Variants in PCBP3 observed in about 807,000 individuals in gnomAD.
PCBP3 encodes the protein poly(rC) binding protein 3, also known as poly(rC)-binding protein 3.
Under a neutral mutation model 52.7 loss-of-function variants are expected in PCBP3, and 25 were observed. The observed-to-expected ratio is 0.47, with a 90% CI of 0.35 to 0.66. The LOEUF (loss-of-function observed/expected upper bound fraction) is 0.66. Ranked by LOEUF, PCBP3 falls within the 30% of genes least tolerant of loss-of-function variation. PCBP3 has a pLI of 0.01. For missense variants in PCBP3, 391 were observed against 490.3 expected, an observed-to-expected ratio of 0.80 and a Z score of 1.91; for synonymous variants, 162 against 183.0, an observed-to-expected ratio of 0.89 and a Z score of 0.93.
At position 45,938,398 on chromosome 21, in the gene PCBP3, G is replaced by A. The variant is rs558528110; in HGVS notation, c.910-1632G>A. ...TACAGGGACCTGTGGTCATGCTGCC[G>A]AGTCAGCTATGTTCCCCCTCCCCAT... On this transcript the variant is annotated intron_variant, in intron 16 of 17. Transcript: ENST00000681687. Among the ~76,000 whole-genome samples the A allele has an allele frequency of 1.2e-3, 189 of 152,318 alleles. 1 individual carries two copies. The highest frequency in any genetic ancestry group is 2.3e-3 in the Non-Finnish European group (157 of 68,012).
intron 4 of PCBP3, chr21:45,836,295 T>G (rs1206134937): frequency 6.6e-6 from 1 of 152,264 alleles, no homozygotes; most frequent in East Asian, 1.9e-4. Flanking sequence ...CCGTCCAGTC[T>G]CCAAGACCAG....
At chr21:45,814,871 CTGGTGAGTGAG>C (rs2092821970) in intron 4 of PCBP3, among the ~76,000 whole-genome samples, 2 of 23,210 alleles carry the variant, frequency 8.6e-5, no homozygotes, top group Non-Finnish European at 1.7e-4. Context: ...TGAGTGGTGA[CTGGTGAGTGAG>C]TGGTGAGTGA....
At chr21:45,806,188 C>T (rs906601516) in intron 4 of PCBP3, among the ~76,000 whole-genome samples, 8 of 152,218 alleles carry the variant, frequency 5.3e-5, no homozygotes, top group African/African-American at 1.7e-4. Flanking sequence ...GAATCACCCT[C>T]GTGGCAGGCT....
At position 45,917,060 on chromosome 21, in the gene PCBP3, C is replaced by T. The variant is rs2073571685; in HGVS notation, c.676-528C>T. The T allele has an allele frequency of 6.5e-6, 1 of 152,864 alleles. No individual in the cohort carries two copies. Among genetic ancestry groups the T allele is most frequent in the South Asian group, 2.1e-4 (1 of 4,860 alleles). 9.5% of individuals were successfully genotyped at this position (152,864 alleles called of 1,614,324 possible). ...GCTGCCCCCACGTCAGGAGGGCCAC[C>T]CCCTCCCTGTCTTCAGGGCGGTCAT... On this transcript the variant is annotated intron_variant, in intron 12 of 17. Coordinates refer to ENST00000681687, the MANE Select transcript of PCBP3 (RefSeq NM_001384156.1). This position sits in a 1 kb window ranked among gnomAD's most constrained non-coding sequence, Gnocchi z 5.3.
intron 1 of PCBP3, among the ~76,000 whole-genome samples, chr21:45,658,730 C>T (rs1238135459): frequency 6.6e-6 from 1 of 152,156 alleles, no homozygotes; most frequent in East Asian, 1.9e-4. Flanking sequence ...GTGTCCGTTT[C>T]TCCTTGTGAA....
intron 1 of PCBP3, among the ~76,000 whole-genome samples, chr21:45,664,622 T>A (rs2080657780): frequency 6.6e-6 from 1 of 151,976 alleles, no homozygotes; most frequent in African/African-American, 2.4e-5. Flanking sequence ...TTTTCTTTTC[T>A]TTTTTTATTA....
chr21:45,651,272 G>A (rs577393226), intron 1 of PCBP3, among the ~76,000 whole-genome samples: 5 of 152,220 alleles, frequency 3.3e-5, no homozygotes, highest in Non-Finnish European at 7.4e-5. Context: ...AAGGGTGTTC[G>A]ACTCTATTTA....
intron 2 of PCBP3, among the ~76,000 whole-genome samples, chr21:45,711,421 G>A (rs1205522101): frequency 2.0e-5 from 3 of 152,060 alleles, no homozygotes; most frequent in Non-Finnish European, 4.4e-5. Flanking sequence ...ATTGCCACAC[G>A]GATTATTCTA....
At chr21:45,744,049 GT>G (rs112799974) in intron 3 of PCBP3, among the ~76,000 whole-genome samples, 28,696 of 151,366 alleles carry the variant, frequency 0.19, 2,922 homozygotes, top group Middle Eastern at 0.33. Flanking sequence ...TACACCAATG[GT>G]TTTTTGCTTA....
rs1375358291 is a variant in PCBP3 at position 45,724,540 on chromosome 21, C to T, written c.-199-10852C>T. 1.3e-5 allele frequency among the ~76,000 whole-genome samples: 2 copies of T among 152,210 alleles called. No homozygotes were observed. The highest frequency in any genetic ancestry group is 4.8e-5 in the African/African-American group (2 of 41,446). On this transcript the variant is annotated intron_variant, in intron 2 of 17. Transcript: ENST00000681687. The surrounding 1 kb of genome is among the most constrained non-coding windows in gnomAD (Gnocchi z 5.3). The stretch of plus-strand genomic sequence containing the variant: ...GGACAGCTGGGAATCTCGCTGCCTT[C>T]ATGGTGGCGGGCCAGGCTGCTCTGT...
At chr21:45,833,062 C>T (rs932392909) in intron 4 of PCBP3, among the ~76,000 whole-genome samples, 8 of 152,126 alleles carry the variant, frequency 5.3e-5, no homozygotes, top group African/African-American at 1.9e-4. Context: ...GGTGGAGACA[C>T]AGCCAAACCA....
chr21:45,892,947 G>A (rs2095714897), intron 5 of PCBP3, among the ~76,000 whole-genome samples: 1 of 152,108 alleles, frequency 6.6e-6, no homozygotes, highest in Non-Finnish European at 1.5e-5. Context: ...GGAGAGGGGA[G>A]GGAGTCCTGG....
chr21:45,796,256 A>G (rs1250313850), intron 4 of PCBP3, among the ~76,000 whole-genome samples: 7 of 152,252 alleles, frequency 4.6e-5, no homozygotes, highest in East Asian at 1.9e-4. Flanking sequence ...AAAAAAATCT[A>G]TAGGTAACTG....
intron 2 of PCBP3, among the ~76,000 whole-genome samples, chr21:45,691,500 C>T (rs2082477896): frequency 6.7e-6 from 1 of 148,264 alleles, no homozygotes; most frequent in African/African-American, 2.5e-5. Context: ...ATTCACTAAT[C>T]TGTACACCTC....
intron 10 of PCBP3, 81 bp from the exon 11 acceptor site, chr21:45,910,821 C>T (rs947984155): frequency 2.1e-6 from 3 of 1,428,736 alleles, no homozygotes; most frequent in Non-Finnish European, 2.8e-6. Context: ...CCCGAGCTGC[C>T]TTGGGTGCCG....
chr21:45,772,781 C>G (rs1158946460), intron 4 of PCBP3, among the ~76,000 whole-genome samples: 1 of 152,000 alleles, frequency 6.6e-6, no homozygotes, highest in Non-Finnish European at 1.5e-5. Context: ...CTGAATGGTT[C>G]AAGATGACAT....
chr21:45,842,838 C>G (rs1433759024), intron 4 of PCBP3, among the ~76,000 whole-genome samples: 5 of 152,204 alleles, frequency 3.3e-5, no homozygotes, highest in Admixed American at 2.6e-4. Context: ...CTCAGCCCCT[C>G]TGACCGGGCA....
chr21:45,886,527 T>G (rs61522562), intron 5 of PCBP3, among the ~76,000 whole-genome samples: 38 of 99,214 alleles, frequency 3.8e-4, no homozygotes, highest in South Asian at 1.3e-3. Context: ...CCTCATTGCC[T>G]CTGGTACCAA....
At position 45,917,401 on chromosome 21, in the gene PCBP3, T is replaced by C. The variant is rs571120636; in HGVS notation, c.676-187T>C. Reference sequence around the variant, plus strand: ...GCTCTGCCCGCCCAGAGGAAGTGGGTGCGGCTCCCCTGGGGCTCCTGGTGC... The same window carrying C: ...GCTCTGCCCGCCCAGAGGAAGTGGGCGCGGCTCCCCTGGGGCTCCTGGTGC... On this transcript the variant is annotated intron_variant, in intron 12 of 17. Coordinates refer to ENST00000681687, the MANE Select transcript of PCBP3 (RefSeq NM_001384156.1). This position sits in a 1 kb window ranked among gnomAD's most constrained non-coding sequence, Gnocchi z 5.3. 93 of 415,554 alleles carry C rather than the reference T, an allele frequency of 2.2e-4. No homozygotes were observed. The highest frequency in any genetic ancestry group is 1.4e-3 in the African/African-American group (67 of 48,018). The allele number at this position is 415,554 out of a possible 1,614,324, so 25.7% of individuals were successfully genotyped here.
Sources: gnomAD v4.1 joint callset for allele counts (sites outside exome capture counted in the v4.1 genomes callset) on GRCh38, gnomAD v4.1.1 for gene constraint, Gnocchi (gnomAD v3.1) non-coding constraint, MANE v1.5 for transcripts, NCBI Gene and HGNC (gene_info 2026-07-23, HGNC 2026-07-21) for gene names.